The following SNTB1 variants were observed in gnomAD, a reference collection of about 807,000 sequenced individuals.
SNTB1 encodes syntrophin beta 1, also known as beta-1-syntrophin.
In SNTB1, 36 loss-of-function variants were observed where a neutral mutation model predicts 48.9. The observed-to-expected ratio is 0.74, with a 90% CI of 0.56 to 0.97. The LOEUF is 0.97. Among genes scored for constraint, SNTB1 ranks in the 50% least tolerant of loss-of-function variants. The pLI is 0.00. For synonymous variants in SNTB1, 299 were observed against 294.6 expected, an observed-to-expected ratio of 1.01 and a Z score of -0.15; for missense variants, 786 against 703.4, an observed-to-expected ratio of 1.12 and a Z score of -1.33.
At chr8:120,652,524 C>CTT (rs371451366) in intron 2 of SNTB1, among the ~76,000 whole-genome samples, 3 of 145,920 alleles carry the variant, frequency 2.1e-5, no homozygotes, top group Non-Finnish European at 1.5e-5. Flanking sequence ...TGCTACATTC[C>CTT]TTTTTTTTTT....
intron 2 of SNTB1, among the ~76,000 whole-genome samples, chr8:120,641,303 G>A (rs1817192480): frequency 1.3e-5 from 2 of 152,084 alleles, no homozygotes; most frequent in African/African-American, 4.8e-5. Context: ...ATCAACAATG[G>A]TGGTTATCAA....
intron 2 of SNTB1, chr8:120,635,714 C>T (rs2129648335): frequency 5.5e-6 from 1 of 183,110 alleles, no homozygotes; most frequent in Admixed American, 6.2e-5. Flanking sequence ...TGTGATGTCT[C>T]CTCTTCATCA....
At chr8:120,561,752 G>C (rs1049994243) in intron 4 of SNTB1, among the ~76,000 whole-genome samples, 2 of 152,112 alleles carry the variant, frequency 1.3e-5, no homozygotes, top group Non-Finnish European at 2.9e-5. Flanking sequence ...CAAATAACCT[G>C]AACAATCAGC....
intron 2 of SNTB1, among the ~76,000 whole-genome samples, chr8:120,686,124 G>C (rs1385004734): frequency 6.6e-6 from 1 of 152,120 alleles, no homozygotes; most frequent in Non-Finnish European, 1.5e-5. Context: ...CCTCTTCTGA[G>C]ACCTCACCAG....
At chr8:120,603,262 G>A (rs1816453524) in intron 3 of SNTB1, among the ~76,000 whole-genome samples, 2 of 151,960 alleles carry the variant, frequency 1.3e-5, no homozygotes, top group Non-Finnish European at 2.9e-5. Context: ...ACCATGCCCG[G>A]GTAATTTTTG....
chr8:120,779,546 G>C (rs181435060), intron 1 of SNTB1, among the ~76,000 whole-genome samples: 1 of 152,208 alleles, frequency 6.6e-6, no homozygotes, highest in Non-Finnish European at 1.5e-5. Flanking sequence ...TTGTAAAGTG[G>C]AGAGTTAGAA....
intron 1 of SNTB1, among the ~76,000 whole-genome samples, chr8:120,729,237 G>T (rs1446576589): frequency 1.3e-5 from 2 of 152,144 alleles, no homozygotes; most frequent in South Asian, 4.1e-4. Flanking sequence ...GCCCACCTTG[G>T]CCTCTCAAAG....
rs1452723638 is a variant in SNTB1, at chr8:120,536,417, T to G, written c.*2460A>C. 6.6e-6 allele frequency: 1 copy of G among 152,220 alleles called. No homozygotes were observed. Among genetic ancestry groups the G allele is most frequent in the East Asian group, 1.9e-4 (1 of 5,196 alleles). 9.4% of individuals were successfully genotyped at this position (152,220 alleles called of 1,614,324 possible). On this transcript the variant is annotated 3_prime_UTR_variant, in exon 7 of 7. Coordinates refer to ENST00000517992, the MANE Select transcript of SNTB1 (RefSeq NM_021021.4). ...TGTACCCAAGCATGATCCAGACTTA[T>G]GAGTTTGTGTCATACACACCAGCAC... is the stretch of plus-strand genomic sequence containing the variant.
intron 1 of SNTB1, among the ~76,000 whole-genome samples, chr8:120,791,555 C>G (rs1301660514): frequency 6.6e-6 from 1 of 151,954 alleles, no homozygotes; most frequent in Non-Finnish European, 1.5e-5. Context: ...TGACAAAAGA[C>G]TAATATCCAG....
chr8:120,765,465 C>G (rs904543381), intron 1 of SNTB1, among the ~76,000 whole-genome samples: 1 of 152,176 alleles, frequency 6.6e-6, no homozygotes, highest in Non-Finnish European at 1.5e-5. Flanking sequence ...ATATCACACG[C>G]TGGGTGACTT....
At chr8:120,560,724 C>T (rs905863923) in intron 4 of SNTB1, among the ~76,000 whole-genome samples, 8 of 152,218 alleles carry the variant, frequency 5.3e-5, no homozygotes, top group South Asian at 2.1e-4. Flanking sequence ...TCTTTGTGCC[C>T]TTGTGACCTG....
At chr8:120,801,880 T>A (rs1433979608) in intron 1 of SNTB1, among the ~76,000 whole-genome samples, 1 of 152,112 alleles carries the variant, frequency 6.6e-6, no homozygotes, top group Non-Finnish European at 1.5e-5. Flanking sequence ...AGGGAAGACA[T>A]TTGTCCTTCC....
At chr8:120,667,737 TTCA>T (rs1442855191) in intron 2 of SNTB1, among the ~76,000 whole-genome samples, 1 of 152,198 alleles carries the variant, frequency 6.6e-6, no homozygotes, top group Non-Finnish European at 1.5e-5. Context: ...CCTAAAACTA[TTCA>T]TCAGTGTTTT....
At chr8:120,757,234 T>G (rs1367034876) in intron 1 of SNTB1, among the ~76,000 whole-genome samples, 1 of 152,144 alleles carries the variant, frequency 6.6e-6, no homozygotes, top group Non-Finnish European at 1.5e-5. Flanking sequence ...CCAAACCTGT[T>G]TGCTGCTGAA....
chr8:120,807,055 A>G (rs1465333640), intron 1 of SNTB1, among the ~76,000 whole-genome samples: 1 of 152,136 alleles, frequency 6.6e-6, no homozygotes, highest in African/African-American at 2.4e-5. Context: ...ACTGTCCTTG[A>G]CTTTCTTCTT....
At chr8:120,802,956 T>C (rs976231654) in intron 1 of SNTB1, among the ~76,000 whole-genome samples, 2 of 151,648 alleles carry the variant, frequency 1.3e-5, no homozygotes, top group South Asian at 2.1e-4. Context: ...ACGGAGTAAA[T>C]CTAACACCCA....
intron 4 of SNTB1, among the ~76,000 whole-genome samples, chr8:120,555,730 CA>C (rs1289410526): frequency 6.6e-6 from 1 of 152,116 alleles, no homozygotes; most frequent in Non-Finnish European, 1.5e-5. Flanking sequence ...ACCCCTATAG[CA>C]ATAGGACCTA....
At chr8:120,605,876 C>A (rs916592236) in intron 3 of SNTB1, among the ~76,000 whole-genome samples, 6 of 152,114 alleles carry the variant, frequency 3.9e-5, no homozygotes, top group African/African-American at 1.4e-4. Context: ...TGGGAAAATG[C>A]AGCCCTGCAG....
intron 1 of SNTB1, among the ~76,000 whole-genome samples, chr8:120,717,355 T>G (rs1301922176): frequency 6.6e-6 from 1 of 152,224 alleles, no homozygotes; most frequent in African/African-American, 2.4e-5. Context: ...CTTCTCCCAC[T>G]GCACGAGTCG....
Sources: gnomAD v4.1 joint callset for allele counts (sites outside exome capture counted in the v4.1 genomes callset) on GRCh38, gnomAD v4.1.1 for gene constraint, MANE v1.5 for transcripts, NCBI Gene and HGNC (gene_info 2026-07-23, HGNC 2026-07-21) for gene names.